Variants in FAM83G observed in about 807,000 individuals in gnomAD.
FAM83G encodes the protein scaffolding CK1 anchoring protein G, also known as protein FAM83G.
A neutral mutation model predicts 61.5 loss-of-function variants in FAM83G; 38 were observed. The observed-to-expected ratio is 0.62, with a 90% CI of 0.48 to 0.81. The LOEUF (loss-of-function observed/expected upper bound fraction) is 0.81, where lower values mean the gene tolerates loss of function less well. FAM83G is among the 30% of genes least tolerant of loss of function. The probability of loss-of-function intolerance (pLI) is 0.00; values close to 1 mark genes in which losing one functional copy is unlikely to be tolerated. For missense variants in FAM83G, 989 were observed against 1,133.6 expected (o/e 0.87, Z 1.83); for synonymous variants, 470 against 476.1 (o/e 0.99, Z 0.17).
intron 2 of FAM83G, among the ~76,000 whole-genome samples, chr17:18,995,152 A>C (rs906660487): frequency 1.4e-4 from 21 of 152,332 alleles, no homozygotes; most frequent in Middle Eastern, 3.4e-3. Context: ...ACAAGAAAAC[A>C]TGATGCACAT....
At chr17:18,986,700 T>C (rs899255153) in intron 3 of FAM83G, among the ~76,000 whole-genome samples, 14 of 152,162 alleles carry the variant, frequency 9.2e-5, no homozygotes, top group African/African-American at 3.4e-4. Context: ...CAGGTTAGGG[T>C]CCCTGCTCCA....
At chr17:18,988,135 T>G (rs1222004763) in intron 3 of FAM83G, 112 bp downstream of exon 3, 2 of 1,471,304 alleles carry the variant, frequency 1.4e-6, no homozygotes, top group African/African-American at 2.8e-5. Context: ...TACTGGACTC[T>G]GAGTGCCTGG....
Position 18,977,840 on chromosome 17 carries a change from G to GA in FAM83G, c.1825_1826insT (p.Pro609LeufsTer101). The GA allele has an allele frequency of 1.9e-6, 3 of 1,610,524 alleles. No homozygotes were observed. Among genetic ancestry groups the GA allele is most frequent in the Non-Finnish European group, 2.5e-6 (3 of 1,179,138 alleles). On this transcript the variant is annotated frameshift_variant, in exon 5 of 6. Coordinates refer to ENST00000388995, the MANE Select transcript of FAM83G (RefSeq NM_001039999.3). LOFTEE classifies it high-confidence loss of function. ...CTCTGACACAGAGGAAGCCACTGAG[G>GA]GCCGTCGGGGGCCAGGGCCACGGCC...
At position 19,004,206 on chromosome 17, in the gene FAM83G, A is replaced by T; in HGVS notation, c.-128-37T>A. The T allele has an allele frequency of 2.9e-5, 5 of 174,914 alleles. No homozygotes were observed. The highest frequency in any genetic ancestry group is 3.0e-5 in the Non-Finnish European group (3 of 100,334). 10.8% of individuals were successfully genotyped at this position (174,914 alleles called of 1,614,324 possible). On this transcript the variant is annotated intron_variant, in intron 1 of 5. Coordinates refer to ENST00000388995, the MANE Select transcript of FAM83G (RefSeq NM_001039999.3). The surrounding 1 kb of genome is among the most constrained non-coding windows in gnomAD (Gnocchi z 5.4). Reference sequence around the variant, plus strand: ...ACCTGATGAGCCCGGCTCGGCGGGGAGGGCGGGCCGCGCGGGGAGGGGCGG... The same window carrying T: ...ACCTGATGAGCCCGGCTCGGCGGGGTGGGCGGGCCGCGCGGGGAGGGGCGG...
At position 18,969,207 on chromosome 17, in the gene FAM83G, C is replaced by T. The variant is rs1426729430; in HGVS notation, c.*2152G>A. On this transcript the variant is annotated 3_prime_UTR_variant, in exon 6 of 6. Transcript: ENST00000388995. The stretch of plus-strand genomic sequence containing the variant: ...CCACCCAGGGGACGTGTAAAGGGGT[C>T]AGAAGGCCACCTCCCCCTACAGGCC... 5 of 1,595,278 alleles carry T rather than the reference C, an allele frequency of 3.1e-6. No individual in the cohort carries two copies. The highest frequency in any genetic ancestry group is 3.4e-6 in the Non-Finnish European group (4 of 1,167,866).
Position 18,978,073 on chromosome 17 carries a change from T to G in FAM83G, c.1593A>C (p.Lys531Asn), listed in dbSNP as rs2043028895. The change falls in exon 5 of 6, where the codon AAA becomes AAC. Residue 531 changes from lysine (K) to asparagine (N), a missense_variant. Lys to Asn is a moderately conservative substitution (Grantham distance 94). Transcript: ENST00000388995. ...SDIGWVLELP[K>N]EEAPQNGTDH... The stretch of plus-strand genomic sequence containing the variant: ...CTGTCCCATTCTGGGGAGCTTCCTC[T>G]TTGGGGAGCTCCAGGACCCAGCCAA... The G allele has an allele frequency of 6.6e-7, 1 of 1,516,436 alleles. No homozygotes were observed. Among genetic ancestry groups the G allele is most frequent in the Non-Finnish European group, 8.8e-7 (1 of 1,135,214 alleles). The allele number at this position is 1,516,436 out of a possible 1,614,324, so 93.9% of individuals were successfully genotyped here.
Position 18,986,717 on chromosome 17 carries a change from C to T in FAM83G, c.690+1530G>A, listed in dbSNP as rs142075645. On this transcript the variant is annotated intron_variant, in intron 3 of 5. Transcript: ENST00000388995. ...GGTTAGGGTCCCTGCTCCAAACCGA[C>T]AGGCTTGCTCCCTGCTTGCGTCTGC... 4.2e-3 allele frequency among the ~76,000 whole-genome samples: 638 copies of T among 152,380 alleles called. 5 individuals are homozygous for T. Among genetic ancestry groups the T allele is most frequent in the African/African-American group, 0.014 (588 of 41,590 alleles).
rs2043826619 is a variant in FAM83G at position 19,004,543 on chromosome 17, C to T, written c.-129+166G>A. On this transcript the variant is annotated intron_variant, in intron 1 of 5. Transcript: ENST00000388995. This position sits in a 1 kb window ranked among gnomAD's most constrained non-coding sequence, Gnocchi z 5.4. ...AGGCGCCCCGCAAACCGAGGGCTTC[C>T]GGGTAAGGGAGGGGTCTTAAAATTT... Among the ~76,000 whole-genome samples the T allele has an allele frequency of 2.6e-5, 4 of 152,024 alleles. No individual in the cohort carries two copies. Among genetic ancestry groups the T allele is most frequent in the South Asian group, 2.1e-4 (1 of 4,828 alleles).
Position 19,004,058 on chromosome 17 carries a change from G to A in FAM83G, c.-17C>T, listed in dbSNP as rs780327827. 8.3e-6 allele frequency: 13 copies of A among 1,566,976 alleles called. No individual in the cohort carries two copies. In the East Asian group the frequency reaches 2.5e-4, roughly 30 times the overall value. ...GAAGGCCATGGCGCCGCCTGCCCGG[G>A]CACTGCTGCCGGGGGTGGGTGGGCA... On this transcript the variant is annotated 5_prime_UTR_variant, in exon 2 of 6. Transcript: ENST00000388995. The surrounding 1 kb of genome is among the most constrained non-coding windows in gnomAD (Gnocchi z 5.4).
intron 5 of FAM83G, among the ~76,000 whole-genome samples, chr17:18,974,574 G>A (rs1383906225): frequency 2.0e-5 from 3 of 152,196 alleles, no homozygotes; most frequent in South Asian, 2.1e-4. Context: ...CCCTTAGTCA[G>A]TAGCAGCCAC....
rs1460137693 is a variant in FAM83G, at chr17:18,971,357, T to C, written c.*2A>G. On this transcript the variant is annotated 3_prime_UTR_variant, in exon 6 of 6. Transcript: ENST00000388995. The surrounding 1 kb of genome is among the most constrained non-coding windows in gnomAD (Gnocchi z 5.5). ...GGTGTGGCTCCAGGCTGGGACATGC[T>C]GCTAGGGGTCTTTGCGGTCCCGGGG... The C allele has an allele frequency of 6.3e-7, 1 of 1,576,740 alleles. No individual in the cohort carries two copies. Among genetic ancestry groups the C allele is most frequent in the African/African-American group, 1.6e-5 (1 of 62,796 alleles).
chr17:18,996,416 GCCC>G lies in FAM83G; in HGVS notation c.522+7101_522+7103del, dbSNP rs1420658799. On this transcript the variant is annotated intron_variant, in intron 2 of 5. Coordinates refer to ENST00000388995, the MANE Select transcript of FAM83G (RefSeq NM_001039999.3). This position sits in a 1 kb window ranked among gnomAD's most constrained non-coding sequence, Gnocchi z 4.4. ...AATTAGTGACATGCCATCTGAAGAG[GCCC>G]AAGAAGGTTCTCTGGGTTAGGAAGT... Among the ~76,000 whole-genome samples, 1 of 152,080 alleles carries G rather than the reference GCCC, an allele frequency of 6.6e-6. No homozygotes were observed. Among genetic ancestry groups the G allele is most frequent in the Non-Finnish European group, 1.5e-5 (1 of 68,010 alleles).
At chr17:18,980,191 G>A (rs552154994) in intron 3 of FAM83G, among the ~76,000 whole-genome samples, 17 of 152,228 alleles carry the variant, frequency 1.1e-4, no homozygotes, top group Admixed American at 2.6e-4. Context: ...GGCCCTACCC[G>A]GCCTCTCCCC....
intron 3 of FAM83G, among the ~76,000 whole-genome samples, chr17:18,983,627 C>G (rs1597860628): frequency 6.6e-6 from 1 of 152,176 alleles, no homozygotes; most frequent in East Asian, 1.9e-4. Flanking sequence ...AACATAGCAG[C>G]AGGAGCCTGG....
intron 2 of FAM83G, among the ~76,000 whole-genome samples, chr17:18,992,357 A>C (rs2043448461): frequency 6.6e-6 from 1 of 152,038 alleles, no homozygotes; most frequent in African/African-American, 2.4e-5. Context: ...CTGCATGGGG[A>C]TCCCCAGTGC....
chr17:18,980,782 G>A (rs2043111774), intron 3 of FAM83G, among the ~76,000 whole-genome samples: 1 of 152,156 alleles, frequency 6.6e-6, no homozygotes, highest in Non-Finnish European at 1.5e-5. Flanking sequence ...CCCTGTCTAG[G>A]GCAGTGTGTA....
intron 3 of FAM83G, among the ~76,000 whole-genome samples, chr17:18,982,173 G>A (rs2152014557): frequency 1.3e-5 from 2 of 152,366 alleles, no homozygotes; most frequent in Middle Eastern, 6.8e-3. Context: ...GTGACTCGAA[G>A]CAAGTCCCGG....
intron 5 of FAM83G, among the ~76,000 whole-genome samples, chr17:18,973,453 C>T (rs1005048969): frequency 1.3e-5 from 2 of 152,230 alleles, no homozygotes; most frequent in Admixed American, 6.5e-5. Flanking sequence ...CTGGCCTCTG[C>T]CCTACCTCCC....
chr17:18,978,504 G>T lies in FAM83G; in HGVS notation c.1162C>A (p.Leu388Ile). 6.2e-7 allele frequency: 1 copy of T among 1,613,170 alleles called. No individual in the cohort carries two copies. Among genetic ancestry groups the T allele is most frequent in the Non-Finnish European group, 8.5e-7 (1 of 1,179,902 alleles). ...TGGATGGGTGGCAGCAGCTCGGGGA[G>T]TTCCCCTGGATGCTCAGCCAGCGCT... ...GPALAEHPGE[L>I]PELLPPIHPG... Residue 388 changes from leucine to isoleucine, a missense_variant, in exon 5 of 6, where the codon CTC becomes ATC. By Grantham distance (5) the Leu-to-Ile change is conservative (BLOSUM62 2). Transcript: ENST00000388995.
Sources: allele counts gnomAD v4.1 joint callset (sites outside exome capture counted in the v4.1 genomes callset), GRCh38; gene constraint gnomAD v4.1.1; non-coding constraint Gnocchi (gnomAD v3.1); transcripts MANE v1.5; gene names NCBI Gene and HGNC (gene_info 2026-07-23, HGNC 2026-07-21).